LAMA1: variants seen among roughly 807,000 people sequenced by gnomAD.
The protein encoded by LAMA1 is laminin subunit alpha 1, also known as laminin subunit alpha-1.
A neutral mutation model predicts 348.7 loss-of-function variants in LAMA1; 219 were observed. That is an observed-to-expected ratio of 0.63 (90% CI 0.56 to 0.70). LAMA1 has a LOEUF of 0.70. LAMA1 is among the 30% of genes least tolerant of loss of function. LAMA1 has a pLI of 0.00. For synonymous variants in LAMA1, 1,487 were observed against 1,491.0 expected (o/e 1.00, Z 0.06); for missense variants, 3,744 against 3,888.0 (o/e 0.96, Z 0.99).
intron 1 of LAMA1, among the ~76,000 whole-genome samples, chr18:7,107,408 G>GC (rs1568071815): frequency 6.6e-6 from 1 of 151,946 alleles, no homozygotes; most frequent in Non-Finnish European, 1.5e-5. Flanking sequence ...GTGAGCCACC[G>GC]CCCCCAGCCA....
At chr18:7,112,324 A>C (rs574690566) in intron 1 of LAMA1, among the ~76,000 whole-genome samples, 15 of 152,228 alleles carry the variant, frequency 9.9e-5, no homozygotes, top group Non-Finnish European at 2.2e-4. Flanking sequence ...AGAAGTTAGT[A>C]TGAGGGGAGG....
chr18:7,033,778 C>T (rs1409571644), intron 14 of LAMA1, among the ~76,000 whole-genome samples: 2 of 152,024 alleles, frequency 1.3e-5, no homozygotes, highest in African/African-American at 4.8e-5. Flanking sequence ...TGTGCTGCCC[C>T]AGCTGGAGTG....
intron 34 of LAMA1, 66 bp from the exon 35 acceptor site, chr18:6,993,818 G>A (rs1038161951): frequency 1.7e-5 from 15 of 908,830 alleles, no homozygotes; most frequent in Admixed American, 5.1e-5. Context: ...TAAATAATAC[G>A]CAAGTTGTAA....
In LAMA1 at chr18:6,947,144, A is replaced by C. The variant is rs2155697; in HGVS notation, c.8844+19T>G. Reference sequence around the variant, plus strand: ...TGACACTGGGGGGAGGAAGACCCTCATGGAGAGGAAGCACCCACCTTGCCG... The same window carrying C: ...TGACACTGGGGGGAGGAAGACCCTCCTGGAGAGGAAGCACCCACCTTGCCG... On this transcript the variant is annotated intron_variant, in intron 61 of 62. Coordinates refer to ENST00000389658, the MANE Select transcript of LAMA1 (RefSeq NM_005559.4). 739,196 of 1,613,550 alleles carry C rather than the reference A, an allele frequency of 0.46. 175,957 individuals carry two copies. The highest frequency in any genetic ancestry group is 0.5 in the Non-Finnish European group (584,511 of 1,179,722).
intron 43 of LAMA1, 32 bp downstream of exon 43, chr18:6,978,164 G>A (rs118037753): frequency 5.6e-6 from 9 of 1,613,428 alleles, no homozygotes; most frequent in Non-Finnish European, 6.8e-6. Context: ...TGACGCAGAC[G>A]ATCATGACTG....
intron 1 of LAMA1, among the ~76,000 whole-genome samples, chr18:7,084,591 G>C (rs985367782): frequency 6.6e-6 from 1 of 152,178 alleles, no homozygotes; most frequent in Admixed American, 6.5e-5. Flanking sequence ...TTAACCAGCA[G>C]CTAAAAAATT....
At position 6,983,207 on chromosome 18, in the gene LAMA1, G is replaced by A. The variant is rs762865599; in HGVS notation, c.5688C>T (p.Ser1896=). The A allele has an allele frequency of 6.2e-7, 1 of 1,614,050 alleles. No homozygotes were observed. Among genetic ancestry groups the A allele is most frequent in the Non-Finnish European group, 8.5e-7 (1 of 1,179,998 alleles). ...YSGLENIRNV[S]LNATSAAYVH... is the part of the protein sequence containing the mutation. ...CATAGGCTGCACTGGTGGCATTCAGGGACACATTTCTGATGTTTTCAAGGC... is the reference window on the plus strand; with the variant it reads ...CATAGGCTGCACTGGTGGCATTCAGAGACACATTTCTGATGTTTTCAAGGC... Residue 1896 remains serine, a synonymous_variant, in exon 40 of 63, where the codon TCC becomes TCT. Transcript: ENST00000389658.
chr18:7,054,871 T>A (rs1034584506), intron 3 of LAMA1, among the ~76,000 whole-genome samples: 16 of 152,154 alleles, frequency 1.1e-4, no homozygotes, highest in African/African-American at 3.9e-4. Flanking sequence ...TAACAATTTC[T>A]TTTCTCTAGC....
At chr18:7,083,432 C>A (rs546776582) in intron 1 of LAMA1, among the ~76,000 whole-genome samples, 1 of 151,906 alleles carries the variant, frequency 6.6e-6, no homozygotes, top group Non-Finnish European at 1.5e-5. Context: ...GTGCTCCACT[C>A]GTCTCGGCCT....
chr18:6,998,269 C>T (rs181849676), intron 32 of LAMA1, among the ~76,000 whole-genome samples: 2 of 152,280 alleles, frequency 1.3e-5, no homozygotes, highest in Admixed American at 1.3e-4. Flanking sequence ...GAGGGGTGAA[C>T]ACACGCTGAC....
intron 27 of LAMA1, among the ~76,000 whole-genome samples, chr18:7,008,818 G>A (rs1236249996): frequency 6.6e-6 from 1 of 152,148 alleles, no homozygotes; most frequent in Admixed American, 6.5e-5. Context: ...TAAAAATAAT[G>A]TGACACAAGT....
intron 1 of LAMA1, among the ~76,000 whole-genome samples, chr18:7,109,326 T>G (rs2058326607): frequency 6.6e-6 from 1 of 152,212 alleles, no homozygotes. Context: ...GGGTTGTCTG[T>G]GTATTCAAAG....
chr18:7,054,203 T>G (rs1440817538), intron 3 of LAMA1, among the ~76,000 whole-genome samples: 1 of 152,148 alleles, frequency 6.6e-6, no homozygotes, highest in African/African-American at 2.4e-5. Context: ...ATATATCACC[T>G]CCAGAATCTC....
chr18:6,980,537 A>C lies in LAMA1; in HGVS notation c.5991T>G (p.Leu1997=), dbSNP rs535551105. 6.2e-7 allele frequency: 1 copy of C among 1,601,234 alleles called. No individual in the cohort carries two copies. The highest frequency in any genetic ancestry group is 1.1e-5 in the South Asian group (1 of 90,838). Residue 1997 remains leucine, a synonymous_variant, in exon 42 of 63, where the codon CTT becomes CTG. Transcript: ENST00000389658. The part of the protein sequence containing the change: ...TRQTNESLLI[L]RAIPKGIRDK... ...TCCACTTACCTTTAGGAATTGCTCTAAGTATCAAGAGTGATTCATTGGTTT... is the reference window on the plus strand; with the variant it reads ...TCCACTTACCTTTAGGAATTGCTCTCAGTATCAAGAGTGATTCATTGGTTT...
chr18:7,035,973 G>A lies in LAMA1; in HGVS notation c.1839+14C>T, dbSNP rs2057992606. 6.2e-7 allele frequency: 1 copy of A among 1,604,456 alleles called. No homozygotes were observed. Among genetic ancestry groups the A allele is most frequent in the Non-Finnish European group, 8.5e-7 (1 of 1,171,238 alleles). On this transcript the variant is annotated intron_variant, in intron 13 of 62. Transcript: ENST00000389658. ...CCCTAAGCTCTATAGCAGAATCAAA[G>A]CAAAAACAATCACCTTAATGATGAC...
rs141251142 is a variant in LAMA1, at chr18:7,010,329, G to A, written c.3744C>T (p.Gly1248=). 182 of 1,614,076 alleles carry A rather than the reference G, an allele frequency of 1.1e-4. No homozygotes were observed. In the Middle Eastern group the frequency reaches 1.6e-3, roughly 15 times the overall value. Residue 1248 remains glycine, a synonymous_variant, in exon 26 of 63, where the codon GGC becomes GGT. Coordinates refer to ENST00000389658, the MANE Select transcript of LAMA1 (RefSeq NM_005559.4). ...KYSVAFYSLD[G]VGTSNFEPQV... The stretch of plus-strand genomic sequence containing the variant: ...GAGGCTCAAAATTGGAGGTGCCGAC[G>A]CCATCCAAAGAATAGAAGGCCACGC...
chr18:6,955,177 T>C (rs2057569474), intron 57 of LAMA1, 176 bp downstream of exon 57: 1 of 645,688 alleles, frequency 1.5e-6, no homozygotes, highest in African/African-American at 1.8e-5. Context: ...TGAACCACCA[T>C]GAAAGCGTTG....
At chr18:6,951,105 T>A in intron 57 of LAMA1, 134 bp from the exon 58 acceptor site, 2 of 788,980 alleles carry the variant, frequency 2.5e-6, no homozygotes, top group Admixed American at 4.1e-5. Context: ...CATTCCTTCA[T>A]CCATTTACAC....
At chr18:6,956,414 G>C in intron 56 of LAMA1, 1 of 714,410 alleles carries the variant, frequency 1.4e-6, no homozygotes. Flanking sequence ...GCGCGGCCTG[G>C]GTGTTGGGGC....
Sources: gnomAD v4.1 joint callset for allele counts (sites outside exome capture counted in the v4.1 genomes callset) on GRCh38, gnomAD v4.1.1 for gene constraint, MANE v1.5 for transcripts, NCBI Gene and HGNC (gene_info 2026-07-23, HGNC 2026-07-21) for gene names.